IL12RB1: variants seen among roughly 807,000 people sequenced by gnomAD.
IL12RB1 encodes the protein interleukin 12 receptor subunit beta 1, also known as interleukin-12 receptor subunit beta-1.
IL12RB1 carries 64 observed loss-of-function variants against 94.4 expected under a neutral mutation model. That is an observed-to-expected ratio of 0.68 (90% CI 0.55 to 0.83). The LOEUF (loss-of-function observed/expected upper bound fraction) is 0.83, where lower values mean the gene tolerates loss of function less well. Among genes scored for constraint, IL12RB1 ranks in the 40% least tolerant of loss-of-function variants. The pLI, the probability that IL12RB1 is intolerant of heterozygous loss-of-function variation, is 0.00. For synonymous variants in IL12RB1, 362 were observed against 355.5 expected, an observed-to-expected ratio of 1.02 and a Z score of -0.21; for missense variants, 814 against 855.6, an observed-to-expected ratio of 0.95 and a Z score of 0.61.
chr19:18,063,696 G>A (rs2034343310), intron 13 of IL12RB1, among the ~76,000 whole-genome samples, 180 bp downstream of exon 13: 1 of 152,198 alleles, frequency 6.6e-6, no homozygotes, highest in African/African-American at 2.4e-5. Flanking sequence ...CAAGGCTCCT[G>A]GAGTGTGAGA....
intron 14 of IL12RB1, 118 bp downstream of exon 14, chr19:18,062,063 C>T: frequency 2.9e-6 from 2 of 697,952 alleles, no homozygotes; most frequent in South Asian, 1.5e-5. Flanking sequence ...TCTGGCTTGC[C>T]CTTGAATTAT....
chr19:18,093,603 A>G (rs866703729), intron 1 of IL12RB1, among the ~76,000 whole-genome samples: 1 of 152,104 alleles, frequency 6.6e-6, no homozygotes, highest in African/African-American at 2.4e-5. Context: ...CCAGGATTCC[A>G]GTCAAAGCCC....
At chr19:18,083,571 C>G in intron 1 of IL12RB1, 80 bp from the exon 2 acceptor site, 1 of 1,424,888 alleles carries the variant, frequency 7.0e-7, no homozygotes. Context: ...GGGTCTACAC[C>G]CAAGTGATCA....
chr19:18,063,743 C>T lies in IL12RB1; in HGVS notation c.1618+133G>A, dbSNP rs17886410. On this transcript the variant is annotated intron_variant, in intron 13 of 16. Coordinates refer to ENST00000593993, the MANE Select transcript of IL12RB1 (RefSeq NM_005535.3). The stretch of plus-strand genomic sequence containing the variant: ...GAGAAGGCAATGGGAGCAGTTTGAG[C>T]TGCTACTTTCTCCTGAGGGCAGTAG... 206 of 774,280 alleles carry T rather than the reference C, an allele frequency of 2.7e-4. No individual in the cohort carries two copies. In the African/African-American group the frequency reaches 3.4e-3, roughly 13 times the overall value. 48.0% of individuals were successfully genotyped at this position (774,280 alleles called of 1,614,324 possible). A position where few individuals can be genotyped will look rare whatever the true frequency, so the allele number is the denominator to read the frequency against.
chr19:18,063,130 C>G (rs970226752), intron 13 of IL12RB1, among the ~76,000 whole-genome samples: 1 of 114,362 alleles, frequency 8.7e-6, no homozygotes, highest in African/African-American at 3.5e-5. Flanking sequence ...GGGTCTTGCT[C>G]CGTCGCCCAG....
intron 1 of IL12RB1, among the ~76,000 whole-genome samples, chr19:18,096,718 C>T (rs2146648211): frequency 6.6e-6 from 1 of 151,820 alleles, no homozygotes; most frequent in East Asian, 1.9e-4. Context: ...CACCTGTAGT[C>T]CCAGCTACTA....
chr19:18,069,523 C>T (rs1362054253), intron 10 of IL12RB1, 23 bp downstream of exon 10: 8 of 1,586,750 alleles, frequency 5.0e-6, no homozygotes, highest in African/African-American at 2.7e-5. Flanking sequence ...GAGGGGTAGG[C>T]GCAGGCCATT....
intron 1 of IL12RB1, among the ~76,000 whole-genome samples, chr19:18,096,034 G>T (rs1346780961): frequency 6.6e-6 from 1 of 152,014 alleles, no homozygotes; most frequent in African/African-American, 2.4e-5. Context: ...GACCAGCGCG[G>T]GAAACATGGC....
intron 14 of IL12RB1, 56 bp from the exon 15 acceptor site, chr19:18,061,253 C>G: frequency 2.4e-6 from 2 of 829,678 alleles, no homozygotes; most frequent in Non-Finnish European, 3.8e-6. Flanking sequence ...TTTTTGGAGA[C>G]GGAGTCTTGC....
In IL12RB1 at chr19:18,073,568, C is replaced by T. The variant is rs145487261; in HGVS notation, c.732G>A (p.Ser244=). The T allele has an allele frequency of 6.4e-5, 103 of 1,612,982 alleles. No homozygotes were observed. The East Asian group carries it at 9.1e-4, about 14-fold the overall frequency. ...TCCCATCCTGGCCCAGCTGCTCCACCGAGAATCTCACCTGAGGCTGTGGGG... is the reference window on the plus strand; with the variant it reads ...TCCCATCCTGGCCCAGCTGCTCCACTGAGAATCTCACCTGAGGCTGTGGGG... The part of the protein sequence containing the change: ...ENPPQPQVRF[S]VEQLGQDGRR... Residue 244 remains serine (S), a synonymous_variant, in exon 8 of 17, where the codon TCG becomes TCA. Transcript: ENST00000593993.
At chr19:18,084,010 CCCATCCATCCATCCAT>C (rs55727878) in intron 1 of IL12RB1, among the ~76,000 whole-genome samples, 2 of 140,004 alleles carry the variant, frequency 1.4e-5, no homozygotes, top group East Asian at 2.3e-4. Flanking sequence ...CACCCATCTA[CCCATCCATCCATCCAT>C]CCATCCATCC....
chr19:18,086,803 C>A lies in IL12RB1; in HGVS notation c.21G>T (p.Trp7Cys). Residue 7 changes from tryptophan (W) to cysteine (C), a missense_variant, in exon 1 of 17, where the codon TGG becomes TGT. By Grantham distance (215) the Trp-to-Cys change is radical. Transcript: ENST00000593993. MEPLVT[W>C]VVPLLFLFLL... ...GGAAGAGGAAGAGGAGGGGGACCAC[C>A]CAGGTCACCAGCGGCTCCATCGGAT... is the stretch of plus-strand genomic sequence containing the variant. 2 of 1,611,780 alleles carry A rather than the reference C, an allele frequency of 1.2e-6. No individual in the cohort carries two copies. The highest frequency in any genetic ancestry group is 1.7e-6 in the Non-Finnish European group (2 of 1,179,382).
intron 1 of IL12RB1, among the ~76,000 whole-genome samples, chr19:18,085,765 A>G (rs1166206986): frequency 1.3e-5 from 2 of 151,818 alleles, no homozygotes; most frequent in Admixed American, 1.3e-4. Context: ...CCCATCATCA[A>G]GCCTGGCTAA....
rs1381646216 is a variant in IL12RB1 at position 18,072,133 on chromosome 19, T to A, written c.1000A>T (p.Ile334Phe). ...FGPGLNQTWH[I>F]PADTHTEPVA... Reference sequence around the variant, plus strand: ...GCACCTGTGTGGGTGTCGGCAGGAATGTGCCACGTCTGGTTCAGGCCAGGA... The same window carrying A: ...GCACCTGTGTGGGTGTCGGCAGGAAAGTGCCACGTCTGGTTCAGGCCAGGA... Residue 334 changes from isoleucine to phenylalanine, a missense_variant, in exon 9 of 17, where the codon ATT becomes TTT. Ile to Phe is a conservative substitution (Grantham distance 21, BLOSUM62 0). Coordinates refer to ENST00000593993, the MANE Select transcript of IL12RB1 (RefSeq NM_005535.3). 1.2e-6 allele frequency: 2 copies of A among 1,613,544 alleles called. No homozygotes were observed. The highest frequency in any genetic ancestry group is 1.3e-5 in the African/African-American group (1 of 74,934).
chr19:18,089,803 G>A (rs2036552249), upstream of IL12RB1, among the ~76,000 whole-genome samples: 1 of 152,224 alleles, frequency 6.6e-6, no homozygotes, highest in Non-Finnish European at 1.5e-5. Context: ...AGCTTCCTGG[G>A]AGGAGGTCCC....
chr19:18,084,261 A>G (rs1236762653), intron 1 of IL12RB1, among the ~76,000 whole-genome samples: 1 of 140,260 alleles, frequency 7.1e-6, no homozygotes, highest in Non-Finnish European at 1.5e-5. Flanking sequence ...TCATCCATCC[A>G]TCCATCCACC....
At chr19:18,061,569 C>T (rs974839088) in intron 14 of IL12RB1, among the ~76,000 whole-genome samples, 1 of 152,178 alleles carries the variant, frequency 6.6e-6, no homozygotes. Context: ...CCAGTGTCAC[C>T]GCCCCTTTCC....
At chr19:18,079,086 G>C (rs1568511352) in intron 4 of IL12RB1, among the ~76,000 whole-genome samples, 1 of 150,966 alleles carries the variant, frequency 6.6e-6, no homozygotes, top group Non-Finnish European at 1.5e-5. Context: ...TTTTTGGTGT[G>C]TGGTGAGAAC....
In IL12RB1 at chr19:18,059,739, G is replaced by A. The variant is rs1416623160; in HGVS notation, c.1984-126C>T. ...CTTAATAACCAGCCGTTGTGATTGAGATAGTCGCTCTTCGTGTCTGTAAGA... is the reference window on the plus strand; with the variant it reads ...CTTAATAACCAGCCGTTGTGATTGAAATAGTCGCTCTTCGTGTCTGTAAGA... On this transcript the variant is annotated intron_variant, in intron 16 of 16. Coordinates refer to ENST00000593993, the MANE Select transcript of IL12RB1 (RefSeq NM_005535.3). 6.7e-6 allele frequency: 5 copies of A among 744,542 alleles called. No individual in the cohort carries two copies. The Admixed American group carries it at 9.6e-5, about 14-fold the overall frequency. The allele number at this position is 744,542 out of a possible 1,614,324, so 46.1% of individuals were successfully genotyped here. A position where few individuals can be genotyped will look rare whatever the true frequency, so the allele number is the denominator to read the frequency against.
Sources: allele counts gnomAD v4.1 joint callset (sites outside exome capture counted in the v4.1 genomes callset), GRCh38; gene constraint gnomAD v4.1.1; transcripts MANE v1.5; gene names NCBI Gene and HGNC (gene_info 2026-07-23, HGNC 2026-07-21).